The following LSAMP variants were observed in gnomAD, a reference collection of about 807,000 sequenced individuals.
The protein encoded by LSAMP is limbic system-associated membrane protein.
A neutral mutation model predicts 38.6 loss-of-function variants in LSAMP; 7 were observed. The ratio of observed to expected loss-of-function variants is 0.18; its 90% CI spans 0.10 to 0.34. The LOEUF (loss-of-function observed/expected upper bound fraction) is 0.34, where lower values mean the gene tolerates loss of function less well. Among genes scored for constraint, LSAMP ranks in the 10% least tolerant of loss-of-function variants. The pLI is 1.00. For synonymous variants in LSAMP, 154 were observed against 166.8 expected, an observed-to-expected ratio of 0.92 and a Z score of 0.59; for missense variants, 313 against 420.0, an observed-to-expected ratio of 0.75 and a Z score of 2.23.
intron 1 of LSAMP, among the ~76,000 whole-genome samples, chr3:116,209,882 C>G (rs1369729622): frequency 2.0e-5 from 3 of 152,110 alleles, no homozygotes; most frequent in African/African-American, 7.2e-5. Flanking sequence ...CTCCGAGTAG[C>G]TGGGACTACA....
chr3:115,974,391 A>G (rs913693428), intron 3 of LSAMP, among the ~76,000 whole-genome samples: 7 of 152,116 alleles, frequency 4.6e-5, no homozygotes, highest in Non-Finnish European at 1.0e-4. Flanking sequence ...AATAAAAAAG[A>G]AATGGATGAT....
intron 1 of LSAMP, among the ~76,000 whole-genome samples, chr3:116,289,252 T>A (rs954716194): frequency 1.3e-5 from 2 of 152,340 alleles, no homozygotes; most frequent in Middle Eastern, 3.4e-3. Flanking sequence ...GGGACTTTCA[T>A]TGTCAAACAT....
At chr3:116,034,425 G>C (rs565261844) in intron 2 of LSAMP, among the ~76,000 whole-genome samples, 42 of 152,178 alleles carry the variant, frequency 2.8e-4, no homozygotes, top group African/African-American at 9.4e-4. Context: ...TCTGCCTTTG[G>C]CAAGTCACTT....
intron 1 of LSAMP, among the ~76,000 whole-genome samples, chr3:116,191,187 C>A (rs1300682167): frequency 1.3e-5 from 2 of 152,144 alleles, no homozygotes; most frequent in African/African-American, 4.8e-5. Flanking sequence ...TGCGCCACTG[C>A]ACTTCAGCCT....
intron 1 of LSAMP, among the ~76,000 whole-genome samples, chr3:116,236,915 C>T (rs2046471975): frequency 2.0e-5 from 3 of 151,008 alleles, no homozygotes; most frequent in Admixed American, 6.6e-5. Context: ...AAGGTCATTC[C>T]CTACTCCAAA....
intron 3 of LSAMP, among the ~76,000 whole-genome samples, chr3:115,914,195 C>A (rs1452877356): frequency 2.0e-5 from 3 of 152,160 alleles, no homozygotes; most frequent in Non-Finnish European, 2.9e-5. Flanking sequence ...GCCCTCTTTG[C>A]GTCGATGTTG....
chr3:115,940,739 G>A (rs1937890966), intron 3 of LSAMP, among the ~76,000 whole-genome samples: 1 of 152,068 alleles, frequency 6.6e-6, no homozygotes, highest in African/African-American at 2.4e-5. Flanking sequence ...TTACTTCTGG[G>A]CTCTCTGTTT....
At position 116,189,883 on chromosome 3, in the gene LSAMP, C is replaced by G. The variant is rs1710711689; in HGVS notation, c.156-103327G>C. On this transcript the variant is annotated intron_variant, in intron 1 of 6. Coordinates refer to ENST00000490035, the MANE Select transcript of LSAMP (RefSeq NM_002338.5). ...ACAATCATTTTGTAGTTTAAAAATA[C>G]TGAGCAAATTTCCTGTTTTTAACAA... 2.6e-5 allele frequency among the ~76,000 whole-genome samples: 4 copies of G among 152,076 alleles called. No individual in the cohort carries two copies. In the South Asian group the frequency reaches 8.3e-4, roughly 31 times the overall value.
chr3:116,065,626 A>T (rs915154950), intron 2 of LSAMP, among the ~76,000 whole-genome samples: 4 of 152,184 alleles, frequency 2.6e-5, no homozygotes, highest in African/African-American at 9.7e-5. Context: ...AACACCACAC[A>T]TTTCACAGGT....
In LSAMP at chr3:116,190,128, C is replaced by CAT. The variant is rs1553711931; in HGVS notation, c.156-103574_156-103573dup. Among the ~76,000 whole-genome samples the CAT allele has an allele frequency of 4.1e-3, 598 of 146,424 alleles. 7 individuals are homozygous for CAT. The highest frequency in any genetic ancestry group is 0.013 in the African/African-American group (528 of 39,944). On this transcript the variant is annotated intron_variant, in intron 1 of 6. Transcript: ENST00000490035. Reference sequence around the variant, plus strand: ...ACACACACACACACACACACACACACATGCATTAAGAAATCTCCACAGCTA... The same window carrying CAT: ...ACACACACACACACACACACACACACATATGCATTAAGAAATCTCCACAGCTA...
intron 3 of LSAMP, among the ~76,000 whole-genome samples, chr3:115,997,749 T>TATATATAC (rs1553757624): frequency 3.8e-5 from 5 of 131,878 alleles, no homozygotes; most frequent in Admixed American, 1.6e-4. Context: ...TATATATATA[T>TATATATAC]ATATACACAC....
chr3:116,216,048 G>C (rs1029068110), intron 1 of LSAMP, among the ~76,000 whole-genome samples: 2 of 152,062 alleles, frequency 1.3e-5, no homozygotes, highest in Non-Finnish European at 2.9e-5. Flanking sequence ...TAAACATTAA[G>C]CAATATTTTT....
intron 1 of LSAMP, among the ~76,000 whole-genome samples, chr3:116,400,499 G>A (rs2048825076): frequency 7.4e-6 from 1 of 134,748 alleles, no homozygotes; most frequent in African/African-American, 2.9e-5. Flanking sequence ...CTTTCTTGAG[G>A]TGGAGTTTCC....
chr3:116,064,502 C>CA (rs1241685941), intron 2 of LSAMP, among the ~76,000 whole-genome samples: 31,002 of 90,080 alleles, frequency 0.34, 3,855 homozygotes, highest in Admixed American at 0.38. Context: ...GACTCCGTCT[C>CA]AAAAAAAAAA....
chr3:116,237,589 C>A (rs2046481785), intron 1 of LSAMP, among the ~76,000 whole-genome samples: 1 of 152,106 alleles, frequency 6.6e-6, no homozygotes, highest in African/African-American at 2.4e-5. Context: ...TAGTTCCATC[C>A]CTTTTATTCA....
chr3:116,119,715 G>A (rs1708833459), intron 1 of LSAMP, among the ~76,000 whole-genome samples: 1 of 150,312 alleles, frequency 6.7e-6, no homozygotes, highest in Non-Finnish European at 1.5e-5. Flanking sequence ...CTGGAGTACA[G>A]TGGTGCGATC....
chr3:115,815,713 G>T (rs1387984233), intron 6 of LSAMP, among the ~76,000 whole-genome samples: 1 of 152,154 alleles, frequency 6.6e-6, no homozygotes, highest in African/African-American at 2.4e-5. Context: ...AGCCACTTAA[G>T]ATTAAAACAT....
intron 3 of LSAMP, among the ~76,000 whole-genome samples, chr3:115,903,501 A>G (rs1936931985): frequency 1.3e-5 from 2 of 152,080 alleles, no homozygotes; most frequent in African/African-American, 4.8e-5. Context: ...AAAAGTTTCA[A>G]AAAAAAGGTG....
At chr3:116,358,299 T>C (rs1298439555) in intron 1 of LSAMP, among the ~76,000 whole-genome samples, 1 of 152,188 alleles carries the variant, frequency 6.6e-6, no homozygotes, top group Non-Finnish European at 1.5e-5. Flanking sequence ...TCTTCATTTT[T>C]TCCTCAATGG....
Sources: allele counts gnomAD v4.1 joint callset (sites outside exome capture counted in the v4.1 genomes callset), GRCh38; gene constraint gnomAD v4.1.1; transcripts MANE v1.5; gene names NCBI Gene and HGNC (gene_info 2026-07-23, HGNC 2026-07-21).